Variants in SMCO2 observed in about 807,000 individuals in gnomAD.
The protein encoded by SMCO2 is single-pass membrane and coiled-coil domain-containing protein 2.
In SMCO2, 25 loss-of-function variants were observed where a neutral mutation model predicts 29.5. That is an observed-to-expected ratio of 0.85 (90% CI 0.62 to 1.18). SMCO2 has a LOEUF of 1.18. SMCO2 is among the 50% of genes most tolerant of loss of function. The pLI, the probability that SMCO2 is intolerant of heterozygous loss-of-function variation, is 0.00. For missense variants in SMCO2, 348 were observed against 344.5 expected (o/e 1.01, Z -0.08); for synonymous variants, 117 against 123.3 (o/e 0.95, Z 0.34).
chr12:27,449,990 C>T, the SMCO2 span, among the ~76,000 whole-genome samples: 1 of 152,348 alleles, frequency 6.6e-6, no homozygotes, highest in African/African-American at 2.4e-5. Context: ...ATCCATTCAT[C>T]GGCCAGTTTT....
the SMCO2 span, among the ~76,000 whole-genome samples, chr12:27,457,043 C>T: frequency 6.6e-6 from 1 of 152,156 alleles, no homozygotes; most frequent in Non-Finnish European, 1.5e-5. Context: ...AAAACCATCC[C>T]TCCCACTGTC....
At chr12:27,473,120 G>C in intron 3 of SMCO2, 2 of 402,218 alleles carry the variant, frequency 5.0e-6, no homozygotes, top group Non-Finnish European at 9.0e-6. Flanking sequence ...AAAAAAAAGT[G>C]AATTATATGT....
chr12:27,472,873 A>G, exon 3 of SMCO2: 2 of 1,549,638 alleles, frequency 1.3e-6, no homozygotes, highest in South Asian at 1.2e-5. Flanking sequence ...CTTCCTTCAC[A>G]AGGTAGACAC....
chr12:27,433,052 G>A, the SMCO2 span, among the ~76,000 whole-genome samples: 26 of 152,114 alleles, frequency 1.7e-4, no homozygotes, highest in African/African-American at 6.3e-4. Flanking sequence ...CAGTTCTCTG[G>A]AAAATGTTAG....
chr12:27,462,690 G>C, upstream of SMCO2, among the ~76,000 whole-genome samples: 2 of 152,178 alleles, frequency 1.3e-5, 1 homozygote, highest in East Asian at 3.8e-4. Context: ...TTTAAAAAGA[G>C]GCACATTCAA....
chr12:27,455,497 T>C, the SMCO2 span, among the ~76,000 whole-genome samples: 4 of 152,288 alleles, frequency 2.6e-5, no homozygotes, highest in Admixed American at 2.0e-4. Context: ...AGTTTATAAG[T>C]TTACCAAGCT....
chr12:27,475,545 T>G, intron 4 of SMCO2, 37 bp from the exon 5 acceptor site: 1 of 1,498,970 alleles, frequency 6.7e-7, no homozygotes, highest in African/African-American at 1.4e-5. Context: ...GTTTCCCATT[T>G]TCTGCTTTGA....
At chr12:27,476,173 G>C (rs1375539809) in intron 4 of SMCO2, among the ~76,000 whole-genome samples, 1 of 152,146 alleles carries the variant, frequency 6.6e-6, no homozygotes, top group South Asian at 2.1e-4. Flanking sequence ...ATTTTCCAAA[G>C]TTCCTCTTGG....
chr12:27,485,450 G>GCTTTTTT (rs1484918113), intron 4 of SMCO2, among the ~76,000 whole-genome samples: 1 of 132,046 alleles, frequency 7.6e-6, no homozygotes, highest in Admixed American at 7.6e-5. Context: ...ATTTTTTTAA[G>GCTTTTTT]TTTTTTTTTT....
intron 4 of SMCO2, among the ~76,000 whole-genome samples, chr12:27,476,482 A>G (rs1397604803): frequency 6.6e-6 from 1 of 152,118 alleles, no homozygotes; most frequent in Non-Finnish European, 1.5e-5. Flanking sequence ...CTGTTATTGT[A>G]TTGAAGTCTG....
intron 4 of SMCO2, 28 bp downstream of exon 4, chr12:27,474,941 C>A (rs1324643050): frequency 6.5e-7 from 1 of 1,544,768 alleles, no homozygotes; most frequent in Non-Finnish European, 8.7e-7. Flanking sequence ...CAAGACAGAG[C>A]ATTTAATAAT....
At chr12:27,484,201 G>C (rs1018460356) in intron 4 of SMCO2, among the ~76,000 whole-genome samples, 2 of 152,122 alleles carry the variant, frequency 1.3e-5, no homozygotes, top group Admixed American at 6.5e-5. Flanking sequence ...GACCATCCTG[G>C]CCAACATGGT....
upstream of SMCO2, among the ~76,000 whole-genome samples, chr12:27,465,190 TTA>T (rs578081049): frequency 5.3e-4 from 81 of 152,244 alleles, 2 homozygotes; most frequent in East Asian, 0.013. Flanking sequence ...GGATTTGGGT[TTA>T]AATCCAAGAT....
chr12:27,495,962 T>A, intron 7 of SMCO2, 107 bp downstream of exon 8: 1 of 1,158,940 alleles, frequency 8.6e-7, no homozygotes, highest in Admixed American at 3.2e-5. Context: ...TTTGTTTTAT[T>A]TTCGTTTGTA....
the SMCO2 span, among the ~76,000 whole-genome samples, chr12:27,456,212 T>C: frequency 2.0e-5 from 3 of 152,006 alleles, no homozygotes; most frequent in African/African-American, 7.3e-5. Flanking sequence ...TGAAACTCCA[T>C]CTCAAAAAAA....
intron 5 of SMCO2, 32 bp downstream of exon 6, chr12:27,488,579 T>G: frequency 6.8e-7 from 1 of 1,477,122 alleles, no homozygotes; most frequent in Non-Finnish European, 9.1e-7. Flanking sequence ...GACTGAGAGG[T>G]TGGGGATTTC....
At chr12:27,501,432 A>C (rs1178873231) in intron 7 of SMCO2, among the ~76,000 whole-genome samples, 3 of 145,932 alleles carry the variant, frequency 2.1e-5, no homozygotes, top group Non-Finnish European at 1.5e-5. Context: ...AAAAAAAAAA[A>C]AAAAACAAAC....
At chr12:27,434,660 AG>A in the SMCO2 span, among the ~76,000 whole-genome samples, 2 of 152,232 alleles carry the variant, frequency 1.3e-5, no homozygotes. Context: ...AAAAACAAGA[AG>A]AAAAAAATAC....
the SMCO2 span, among the ~76,000 whole-genome samples, chr12:27,460,751 G>T: frequency 6.6e-6 from 1 of 152,298 alleles, no homozygotes; most frequent in East Asian, 1.9e-4. Context: ...TTCAAGGTTT[G>T]ACTGTTCTAC....
Sources: gnomAD v4.1 joint callset for allele counts (sites outside exome capture counted in the v4.1 genomes callset) on GRCh38, gnomAD v4.1.1 for gene constraint, MANE v1.5 for transcripts, NCBI Gene and HGNC (gene_info 2026-07-23, HGNC 2026-07-21) for gene names.